The following GALNT1 variants were observed in gnomAD, a reference collection of about 807,000 sequenced individuals.
GALNT1 encodes GalNAc transferase 1.
Under a neutral mutation model 65.7 loss-of-function variants are expected in GALNT1, and 17 were observed. That is an observed-to-expected ratio of 0.26 (90% CI 0.18 to 0.39). The LOEUF is 0.39. Ranked by LOEUF, GALNT1 falls within the 10% of genes least tolerant of loss-of-function variation. GALNT1 has a pLI of 1.00. For synonymous variants in GALNT1, 210 were observed against 219.7 expected (o/e 0.96, Z 0.39); for missense variants, 460 against 672.8 (o/e 0.68, Z 3.50).
In GALNT1 at chr18:35,710,553, A is replaced by C. The variant is rs1271347715; in HGVS notation, c.*783A>C. ...TTGGTTTGTGGGCTGTTGGAATTGT[A>C]ATTTTTAATTGCCTTCTAAAAAATG... is the stretch of plus-strand genomic sequence containing the variant. On this transcript the variant is annotated 3_prime_UTR_variant, in exon 12 of 12. Coordinates refer to ENST00000269195, the MANE Select transcript of GALNT1 (RefSeq NM_020474.4). The C allele has an allele frequency of 6.6e-6, 1 of 152,192 alleles. No individual in the cohort carries two copies. Among genetic ancestry groups the C allele is most frequent in the Non-Finnish European group, 1.5e-5 (1 of 68,012 alleles). 9.4% of individuals were successfully genotyped at this position (152,192 alleles called of 1,614,324 possible).
chr18:35,702,753 T>A, intron 9 of GALNT1, 144 bp from the exon 10 acceptor site: 2 of 451,202 alleles, frequency 4.4e-6, no homozygotes, highest in Non-Finnish European at 4.0e-6. Flanking sequence ...GAATTTTAGA[T>A]ACTCAGACAG....
At chr18:35,626,982 T>G (rs542471814) in intron 1 of GALNT1, among the ~76,000 whole-genome samples, 4 of 152,242 alleles carry the variant, frequency 2.6e-5, no homozygotes, top group Non-Finnish European at 5.9e-5. Flanking sequence ...ATGACCGTGG[T>G]TGGCTTGGAC....
At chr18:35,634,444 T>C (rs773220733) in intron 1 of GALNT1, among the ~76,000 whole-genome samples, 5 of 152,184 alleles carry the variant, frequency 3.3e-5, no homozygotes, top group Admixed American at 6.5e-5. Flanking sequence ...CCAGCATCAG[T>C]TGTACTAACA....
At chr18:35,595,359 T>C (rs1430113742) in intron 1 of GALNT1, among the ~76,000 whole-genome samples, 1 of 152,136 alleles carries the variant, frequency 6.6e-6, no homozygotes, top group Non-Finnish European at 1.5e-5. Flanking sequence ...CCCAGACTTG[T>C]GGGAGGTGAC....
intron 1 of GALNT1, among the ~76,000 whole-genome samples, chr18:35,590,906 T>C (rs1027458066): frequency 1.3e-5 from 2 of 152,192 alleles, no homozygotes; most frequent in Admixed American, 1.3e-4. Flanking sequence ...TTTAAGTGTT[T>C]CCATGCAAAG....
Position 35,691,084 on chromosome 18 carries a change from C to T in GALNT1, c.1051C>T (p.Pro351Ser). The change falls in exon 8 of 12, where the codon CCT becomes TCT. Residue 351 changes from proline to serine, a missense_variant. Physicochemically the swap from Pro to Ser is moderately conservative, Grantham distance 74. Coordinates refer to ENST00000269195, the MANE Select transcript of GALNT1 (RefSeq NM_020474.4). ...TGGACATGTGTTTCGGAAAGCTACA[C>T]CTTACACGTTTCCAGGAGGCACAGG... The part of the protein sequence containing the change: ...HVGHVFRKAT[P>S]YTFPGGTGQI... The T allele has an allele frequency of 3.1e-6, 5 of 1,613,384 alleles. No homozygotes were observed. The highest frequency in any genetic ancestry group is 4.2e-6 in the Non-Finnish European group (5 of 1,179,660).
intron 5 of GALNT1, among the ~76,000 whole-genome samples, chr18:35,684,094 T>C (rs1402307194): frequency 2.0e-5 from 3 of 152,348 alleles, no homozygotes; most frequent in African/African-American, 7.2e-5. Context: ...TGAACACCTG[T>C]GGTTATAGTT....
chr18:35,605,998 G>A (rs915478581), intron 1 of GALNT1, among the ~76,000 whole-genome samples: 2 of 152,206 alleles, frequency 1.3e-5, no homozygotes, highest in African/African-American at 4.8e-5. Context: ...TATCAAGGTA[G>A]GATAAGTTAT....
At position 35,612,865 on chromosome 18, in the gene GALNT1, CA is replaced by C. The variant is rs200935763; in HGVS notation, c.-104+31016del. On this transcript the variant is annotated intron_variant, in intron 1 of 11. Coordinates refer to ENST00000269195, the MANE Select transcript of GALNT1 (RefSeq NM_020474.4). ...GGGCAACAAGAATGAAACTCTGTCT[CA>C]AAAAAAAAAAAATCCGTAGGCAGCT... Among the ~76,000 whole-genome samples, 1,231 of 138,502 alleles carry C rather than the reference CA, an allele frequency of 8.9e-3. 18 individuals carry two copies. The highest frequency in any genetic ancestry group is 0.025 in the African/African-American group (947 of 38,498). 90.9% of individuals were successfully genotyped at this position (138,502 alleles called of 152,430 possible).
At chr18:35,606,840 T>A (rs980945662) in intron 1 of GALNT1, among the ~76,000 whole-genome samples, 124 of 120,260 alleles carry the variant, frequency 1.0e-3, no homozygotes, top group South Asian at 3.0e-3. Context: ...TGTGTGTGTG[T>A]GTGTGTGTGT....
chr18:35,600,968 G>A (rs2046574504), intron 1 of GALNT1, among the ~76,000 whole-genome samples: 1 of 151,512 alleles, frequency 6.6e-6, no homozygotes, highest in Non-Finnish European at 1.5e-5. Context: ...GAGTTTGGAA[G>A]TATTTCCTTC....
intron 9 of GALNT1, among the ~76,000 whole-genome samples, chr18:35,695,595 G>A (rs1358772131): frequency 6.6e-6 from 1 of 152,190 alleles, no homozygotes; most frequent in Non-Finnish European, 1.5e-5. Flanking sequence ...TTTCTTCAGT[G>A]CCAGGGCAGG....
At chr18:35,704,311 C>CT (rs111370047) in intron 11 of GALNT1, among the ~76,000 whole-genome samples, 4,247 of 141,012 alleles carry the variant, frequency 0.03, 152 homozygotes, top group African/African-American at 0.082. Flanking sequence ...AAACAGATGA[C>CT]TTTTTTTTTT....
intron 2 of GALNT1, among the ~76,000 whole-genome samples, chr18:35,656,157 C>T (rs947001557): frequency 7.2e-5 from 11 of 152,166 alleles, no homozygotes; most frequent in South Asian, 2.1e-4. Flanking sequence ...TAAATTTCCC[C>T]TCACCCTACC....
At chr18:35,667,895 ATTG>A (rs2047572267) in intron 3 of GALNT1, among the ~76,000 whole-genome samples, 1 of 152,132 alleles carries the variant, frequency 6.6e-6, no homozygotes, top group East Asian at 1.9e-4. Flanking sequence ...CATAATATGC[ATTG>A]TTATTATGGA....
intron 9 of GALNT1, among the ~76,000 whole-genome samples, chr18:35,695,770 G>T (rs2048045840): frequency 6.6e-6 from 1 of 152,218 alleles, no homozygotes; most frequent in African/African-American, 2.4e-5. Context: ...TCATTAATGG[G>T]AATGTGTTTT....
At chr18:35,582,924 T>C (rs2039212615) in intron 1 of GALNT1, among the ~76,000 whole-genome samples, 1 of 152,238 alleles carries the variant, frequency 6.6e-6, no homozygotes, top group African/African-American at 2.4e-5. Context: ...ATTTTAAAAA[T>C]TCAGCTCCTC....
intron 1 of GALNT1, among the ~76,000 whole-genome samples, chr18:35,642,212 C>G (rs946134766): frequency 4.6e-5 from 7 of 152,120 alleles, no homozygotes; most frequent in Non-Finnish European, 1.5e-5. Context: ...TAACGGAAAC[C>G]TAGAAAGAAC....
rs149773159 is a variant in GALNT1, at chr18:35,583,385, T to G, written c.-104+1523T>G. On this transcript the variant is annotated intron_variant, in intron 1 of 11. Coordinates refer to ENST00000269195, the MANE Select transcript of GALNT1 (RefSeq NM_020474.4). ...GCGTTTAATGACTGCTCTGCTGGTT[T>G]GTTTGGTGCCTCTTAAGCAGCAGAC... Among the ~76,000 whole-genome samples, 435 of 152,320 alleles carry G rather than the reference T, an allele frequency of 2.9e-3. 1 individual carries two copies. The highest frequency in any genetic ancestry group is 9.7e-3 in the African/African-American group (403 of 41,564).
Sources: allele counts gnomAD v4.1 joint callset (sites outside exome capture counted in the v4.1 genomes callset), GRCh38; gene constraint gnomAD v4.1.1; transcripts MANE v1.5; gene names NCBI Gene and HGNC (gene_info 2026-07-23, HGNC 2026-07-21).